HSPG2: variants seen among roughly 807,000 people sequenced by gnomAD.
HSPG2 encodes heparan sulfate proteoglycan 2, also known as basement membrane-specific heparan sulfate proteoglycan core protein.
Under a neutral mutation model 526.6 loss-of-function variants are expected in HSPG2, and 278 were observed. The observed-to-expected ratio is 0.53, with a 90% confidence interval of 0.48 to 0.58. HSPG2 has a LOEUF of 0.58. HSPG2 is among the 20% of genes least tolerant of loss of function. The pLI is 0.00. For synonymous variants in HSPG2, 2,465 were observed against 2,555.4 expected (o/e 0.96, Z 1.07); for missense variants, 5,354 against 6,099.5 (o/e 0.88, Z 4.07).
chr1:21,872,530 G>T lies in HSPG2; in HGVS notation c.4029+90C>A. 1 of 1,491,888 alleles carries T rather than the reference G, an allele frequency of 6.7e-7. No homozygotes were observed. The highest frequency in any genetic ancestry group is 9.1e-7 in the Non-Finnish European group (1 of 1,094,760). The allele number at this position is 1,491,888 out of a possible 1,614,324, so 92.4% of individuals were successfully genotyped here. ...GGGGCATGTGAGGGTACTGAGGCGG[G>T]GATGAGGGTCGCTGGGCTCAGTGCT... On this transcript the variant is annotated intron_variant, in intron 32 of 96. Coordinates refer to ENST00000374695, the MANE Select transcript of HSPG2 (RefSeq NM_005529.7). The surrounding 1 kb of genome is among the most constrained non-coding windows in gnomAD (Gnocchi z 5.5).
Position 21,839,147 on chromosome 1 carries a change from G to A in HSPG2, c.9890-62C>T, listed in dbSNP as rs544568992. The A allele has an allele frequency of 4.0e-5, 62 of 1,538,744 alleles. No individual in the cohort carries two copies. The Admixed American group carries it at 7.0e-4, about 17-fold the overall frequency. ...GCAAAGGTCAGAATGGCAGCAGGTC[G>A]TTGGATCCAGTGTCCAGGGAAGCTG... On this transcript the variant is annotated intron_variant, in intron 73 of 96. Coordinates refer to ENST00000374695, the MANE Select transcript of HSPG2 (RefSeq NM_005529.7). This position sits in a 1 kb window ranked among gnomAD's most constrained non-coding sequence, Gnocchi z 4.5.
chr1:21,856,666 C>T (rs573907968), intron 44 of HSPG2, among the ~76,000 whole-genome samples: 58 of 152,330 alleles, frequency 3.8e-4, no homozygotes, highest in African/African-American at 1.3e-3. Flanking sequence ...ATCCACCTGC[C>T]TCAGCCTCCC....
chr1:21,832,131 G>A (rs199676577), intron 81 of HSPG2, among the ~76,000 whole-genome samples: 1 of 151,496 alleles, frequency 6.6e-6, no homozygotes, highest in East Asian at 1.9e-4. Flanking sequence ...TTTATGGCTT[G>A]TTTATTCTTC....
chr1:21,871,072 C>T (rs1045386536), intron 33 of HSPG2, among the ~76,000 whole-genome samples: 3 of 152,092 alleles, frequency 2.0e-5, no homozygotes, highest in African/African-American at 4.8e-5. Context: ...AACCCCAGAG[C>T]GTGGGTGCCA....
In HSPG2 at chr1:21,872,530, G is replaced by A; in HGVS notation, c.4029+90C>T. 6.7e-7 allele frequency: 1 copy of A among 1,491,890 alleles called. No individual in the cohort carries two copies. Among genetic ancestry groups the A allele is most frequent in the Non-Finnish European group, 9.1e-7 (1 of 1,094,762 alleles). 92.4% of individuals were successfully genotyped at this position (1,491,890 alleles called of 1,614,324 possible). A position where few individuals can be genotyped will look rare whatever the true frequency, so the allele number is the denominator to read the frequency against. ...GGGGCATGTGAGGGTACTGAGGCGG[G>A]GATGAGGGTCGCTGGGCTCAGTGCT... On this transcript the variant is annotated intron_variant, in intron 32 of 96. Transcript: ENST00000374695. The surrounding 1 kb of genome is among the most constrained non-coding windows in gnomAD (Gnocchi z 5.5).
At chr1:21,855,240 AGGT>A in intron 47 of HSPG2, 61 bp downstream of exon 47, 1 of 1,545,960 alleles carries the variant, frequency 6.5e-7, no homozygotes, top group Non-Finnish European at 8.7e-7. Flanking sequence ...GGGGGAGGGA[AGGT>A]GGCTGGGACT....
At chr1:21,841,792 G>C in intron 69 of HSPG2, 119 bp from the exon 70 acceptor site, 1 of 1,394,322 alleles carries the variant, frequency 7.2e-7, no homozygotes, top group Non-Finnish European at 1.0e-6. Flanking sequence ...GGTGTGTCTA[G>C]CTCATGGAGT....
intron 1 of HSPG2, among the ~76,000 whole-genome samples, chr1:21,902,425 C>T (rs1386173044): frequency 6.6e-6 from 1 of 152,224 alleles, no homozygotes; most frequent in Non-Finnish European, 1.5e-5. Flanking sequence ...AAGGTCTTCA[C>T]AAGACTTACG....
In HSPG2 at chr1:21,872,890, G is replaced by GC; in HGVS notation, c.3888+106dup. 3 of 1,525,748 alleles carry GC rather than the reference G, an allele frequency of 2.0e-6. No individual in the cohort carries two copies. Among genetic ancestry groups the GC allele is most frequent in the East Asian group, 2.2e-5 (1 of 44,448 alleles). The allele number at this position is 1,525,748 out of a possible 1,614,324, so 94.5% of individuals were successfully genotyped here. A position where few individuals can be genotyped will look rare whatever the true frequency, so the allele number is the denominator to read the frequency against. ...GCCCCTGCCCTGTCCCCCATGCCCT[G>GC]CCCCCCATGCCCAGGTCTCGGCTTC... On this transcript the variant is annotated intron_variant, in intron 31 of 96. Coordinates refer to ENST00000374695, the MANE Select transcript of HSPG2 (RefSeq NM_005529.7). This position sits in a 1 kb window ranked among gnomAD's most constrained non-coding sequence, Gnocchi z 5.5.
Position 21,859,996 on chromosome 1 carries a change from T to C in HSPG2, c.5021A>G (p.Gln1674Arg), listed in dbSNP as rs961373575. ...ATGGACCTCGACCACCAGTGGGGCT[T>C]GGTTTGCTGGGGGTGGGGGCCGGGA... ...QGGQCLPETN[Q>R]APLVVEVHPA... is the part of the protein sequence containing the mutation. Residue 1674 changes from glutamine (Q) to arginine (R), a missense_variant, in exon 41 of 97, where the codon CAA (glutamine) becomes CGA (arginine). By Grantham distance (43) the Gln-to-Arg change is conservative. Transcript: ENST00000374695. This position sits in a 1 kb window ranked among gnomAD's most constrained non-coding sequence, Gnocchi z 5.3. The C allele has an allele frequency of 2.5e-6, 4 of 1,610,230 alleles. No individual in the cohort carries two copies. The highest frequency in any genetic ancestry group is 3.4e-6 in the Non-Finnish European group (4 of 1,178,844).
rs898553156 is a variant in HSPG2, at chr1:21,842,086, G to A, written c.9109C>T (p.Gln3037Ter). 1 of 1,613,650 alleles carries A rather than the reference G, an allele frequency of 6.2e-7. No individual in the cohort carries two copies. The change falls in exon 69 of 97, where the codon CAG becomes TAG. Residue 3037 changes from glutamine (Q) to a stop codon, truncating the protein, a stop_gained. Transcript: ENST00000374695. LOFTEE classifies it high-confidence loss of function. ...ATGAGGCACTTGAAGCTGGCATCCT[G>A]GCCCTGCTGCACGGTGCTGCTGGGC... ...DPPSSTVQQG[Q>*]DASFKCLIHD...
At chr1:21,878,277 C>T in intron 20 of HSPG2, 24 bp from the exon 21 acceptor site, 2 of 1,612,802 alleles carry the variant, frequency 1.2e-6, no homozygotes, top group Non-Finnish European at 1.7e-6. Flanking sequence ...CGAGTGTTGG[C>T]AGGGCAGGTG....
At chr1:21,850,584 A>G (rs1638815732) in intron 55 of HSPG2, 86 bp from the exon 56 acceptor site, 1 of 1,414,764 alleles carries the variant, frequency 7.1e-7, no homozygotes, top group African/African-American at 1.4e-5. Flanking sequence ...CTGACCCCCA[A>G]GGCCTGGCCA....
intron 1 of HSPG2, among the ~76,000 whole-genome samples, chr1:21,926,177 G>A (rs1644185889): frequency 6.6e-6 from 1 of 152,088 alleles, no homozygotes; most frequent in Non-Finnish European, 1.5e-5. Context: ...GAGATATAAT[G>A]CCAACTTCAA....
Position 21,865,669 on chromosome 1 carries a change from C to T in HSPG2, c.4314+48G>A, listed in dbSNP as rs371865239. 71 of 1,472,682 alleles carry T rather than the reference C, an allele frequency of 4.8e-5. No homozygotes were observed. The African/African-American group carries it at 9.0e-4, about 19-fold the overall frequency. 91.2% of individuals were successfully genotyped at this position (1,472,682 alleles called of 1,614,324 possible). Reference sequence around the variant, plus strand: ...GGACAAATGCCGAGGGTGCCCCTGGCTTCCATCCTGCCCTTCTGCCCACCC... The same window carrying T: ...GGACAAATGCCGAGGGTGCCCCTGGTTTCCATCCTGCCCTTCTGCCCACCC... On this transcript the variant is annotated intron_variant, in intron 34 of 96. Transcript: ENST00000374695. This position sits in a 1 kb window ranked among gnomAD's most constrained non-coding sequence, Gnocchi z 5.4.
Position 21,839,980 on chromosome 1 carries a change from A to G in HSPG2, c.9551T>C (p.Val3184Ala). 6.2e-7 allele frequency: 1 copy of G among 1,614,230 alleles called. No homozygotes were observed. Among genetic ancestry groups the G allele is most frequent in the Non-Finnish European group, 8.5e-7 (1 of 1,180,038 alleles). ...SAKPSDAGTY[V>A]CLAQNALGTA... ...GCCTAGTGCATTCTGAGCAAGGCAC[A>G]CATAAGTGCCCGCATCTGATGGTTT... The change falls in exon 72 of 97, where the codon GTG (valine) becomes GCG (alanine). Residue 3184 changes from valine (V) to alanine (A), a missense_variant. By Grantham distance (64) the Val-to-Ala change is moderately conservative. Coordinates refer to ENST00000374695, the MANE Select transcript of HSPG2 (RefSeq NM_005529.7). This position sits in a 1 kb window ranked among gnomAD's most constrained non-coding sequence, Gnocchi z 4.5.
intron 3 of HSPG2, among the ~76,000 whole-genome samples, chr1:21,892,751 G>A (rs185098060): frequency 5.3e-5 from 8 of 152,018 alleles, no homozygotes; most frequent in Admixed American, 2.6e-4. Context: ...CCAGCTACTC[G>A]GGAGGCTGAG....
Position 21,839,205 on chromosome 1 carries a change from A to G in HSPG2, c.9890-120T>C, listed in dbSNP as rs997453921. On this transcript the variant is annotated intron_variant, in intron 73 of 96. Transcript: ENST00000374695. This position sits in a 1 kb window ranked among gnomAD's most constrained non-coding sequence, Gnocchi z 4.5. ...AGCCCAGAGGACTGGGGATAAGGAA[A>G]GCAAAGGTCCCAGGCCAGGGTGTGG... The G allele has an allele frequency of 1.2e-4, 169 of 1,459,716 alleles. 1 individual carries two copies. Among genetic ancestry groups the G allele is most frequent in the Non-Finnish European group, 1.6e-4 (169 of 1,072,606 alleles). 90.4% of individuals were successfully genotyped at this position (1,459,716 alleles called of 1,614,324 possible). A position where few individuals can be genotyped will look rare whatever the true frequency, so the allele number is the denominator to read the frequency against.
At position 21,858,951 on chromosome 1, in the gene HSPG2, G is replaced by A. The variant is rs781408252; in HGVS notation, c.5293+615C>T. 5.3e-5 allele frequency among the ~76,000 whole-genome samples: 8 copies of A among 152,060 alleles called. No individual in the cohort carries two copies. Among genetic ancestry groups the A allele is most frequent in the Non-Finnish European group, 1.2e-4 (8 of 68,026 alleles). ...GTTGTACTAAGCAACAACTGCTCAC[G>A]GTGGCAATCTGCTTGGTGACACAGC... is the stretch of plus-strand genomic sequence containing the variant. On this transcript the variant is annotated intron_variant, in intron 42 of 96. Coordinates refer to ENST00000374695, the MANE Select transcript of HSPG2 (RefSeq NM_005529.7). The surrounding 1 kb of genome is among the most constrained non-coding windows in gnomAD (Gnocchi z 4.2).
Sources: gnomAD v4.1 joint callset for allele counts (sites outside exome capture counted in the v4.1 genomes callset) on GRCh38, gnomAD v4.1.1 for gene constraint, Gnocchi (gnomAD v3.1) non-coding constraint, MANE v1.5 for transcripts, NCBI Gene and HGNC (gene_info 2026-07-23, HGNC 2026-07-21) for gene names.